The following DONSON variants were observed in gnomAD, a reference collection of about 807,000 sequenced individuals.
DONSON encodes the protein DNA replication fork stabilization factor DONSON.
A neutral mutation model predicts 62.1 loss-of-function variants in DONSON; 43 were observed. That is an observed-to-expected ratio of 0.69 (90% CI 0.54 to 0.89). The LOEUF is 0.89. Among genes scored for constraint, DONSON ranks in the 40% least tolerant of loss-of-function variants. The pLI is 0.00. For missense variants in DONSON, 696 were observed against 697.5 expected (o/e 1.00, Z 0.03); for synonymous variants, 266 against 264.6 (o/e 1.01, Z -0.05).
intron 5 of DONSON, among the ~76,000 whole-genome samples, chr21:33,582,565 T>A (rs2086525840): frequency 6.6e-6 from 1 of 151,886 alleles, no homozygotes; most frequent in Non-Finnish European, 1.5e-5. Flanking sequence ...TTTGAAAATT[T>A]TGTTATTAAA....
At position 33,587,574 on chromosome 21, in the gene DONSON, A is replaced by G. The variant is rs1382819147; in HGVS notation, c.350T>C (p.Leu117Ser). The change falls in exon 2 of 10, where the codon TTG (leucine) becomes TCG (serine). Residue 117 changes from leucine to serine, a missense_variant. Physicochemically the swap from Leu to Ser is moderately radical, Grantham distance 145. Coordinates refer to ENST00000303071, the MANE Select transcript of DONSON (RefSeq NM_017613.4). ...PFLDSNQEND[L>S]LWEEKFPERT... The stretch of plus-strand genomic sequence containing the variant: ...TTCAGGAAACTTCTCTTCCCATAGC[A>G]AATCATTTTCTTGATTAGAATCTAA... The G allele has an allele frequency of 6.3e-7, 1 of 1,597,206 alleles. No individual in the cohort carries two copies. The highest frequency in any genetic ancestry group is 1.1e-5 in the South Asian group (1 of 87,418).
rs2086460970 is a variant in DONSON at position 33,578,427 on chromosome 21, C to T, written c.1581G>A (p.Glu527=). The T allele has an allele frequency of 6.2e-7, 1 of 1,613,516 alleles. No homozygotes were observed. The highest frequency in any genetic ancestry group is 1.3e-5 in the African/African-American group (1 of 74,902). The change falls in exon 10 of 10, where the codon GAG becomes GAA. Residue 527 remains glutamate, a synonymous_variant. Coordinates refer to ENST00000303071, the MANE Select transcript of DONSON (RefSeq NM_017613.4). ...KVLDMEVVHK[E]LTNCGLHPNT... ...TAGGGTGCAAACCACAGTTAGTAAG[C>T]TCCTTATGAACAACCTCCTGTGGAA...
chr21:33,588,380 G>T lies in DONSON; in HGVS notation c.262C>A (p.Arg88=), dbSNP rs775407980. 49 of 1,291,670 alleles carry T rather than the reference G, an allele frequency of 3.8e-5. No individual in the cohort carries two copies. The highest frequency in any genetic ancestry group is 1.6e-4 in the South Asian group (6 of 37,958). The allele number at this position is 1,291,670 out of a possible 1,614,324, so 80.0% of individuals were successfully genotyped here. ...CCGTCGGGGGGCTCCGCGGCGACCC[G>T]CGGTCGGTTGTCCAGGCGGGCGAAG... ...NPFARLDNRP[R]VAAEPPDGPA... The change falls in exon 1 of 10, where the codon CGG becomes AGG. Residue 88 remains arginine (R), a synonymous_variant. Transcript: ENST00000303071.
Position 33,582,020 on chromosome 21 carries a change from CTT to C in DONSON, c.1080_1081del (p.Ser361PhefsTer12). The C allele has an allele frequency of 6.2e-7, 1 of 1,614,120 alleles. No individual in the cohort carries two copies. Among genetic ancestry groups the C allele is most frequent in the Non-Finnish European group, 8.5e-7 (1 of 1,179,994 alleles). ...ACCCATCTCTTCCAGCCAGGAAAAACTTTCCTCTTCATCCTCATCACTGATGG... is the reference window on the plus strand; with the variant it reads ...ACCCATCTCTTCCAGCCAGGAAAAACTCCTCTTCATCCTCATCACTGATGG... On this transcript the variant is annotated frameshift_variant, in exon 7 of 10. Transcript: ENST00000303071. LOFTEE classifies it high-confidence loss of function.
intron 1 of DONSON, among the ~76,000 whole-genome samples, chr21:33,587,952 T>C (rs550394349): frequency 7.9e-5 from 12 of 152,308 alleles, no homozygotes; most frequent in African/African-American, 2.6e-4. Flanking sequence ...AAGCAGGGCT[T>C]GTCACCTGCC....
rs936993580 is a variant in DONSON, at chr21:33,580,530, G to A, written c.1350+772C>T. On this transcript the variant is annotated intron_variant, in intron 8 of 9. Transcript: ENST00000303071. ...GCAGGGCATGGCAGTCCTGTGGTCCGATACTCGAGAGGCTGAGGCAGGAAT... is the reference window on the plus strand; with the variant it reads ...GCAGGGCATGGCAGTCCTGTGGTCCAATACTCGAGAGGCTGAGGCAGGAAT... Among the ~76,000 whole-genome samples, 8 of 128,334 alleles carry A rather than the reference G, an allele frequency of 6.2e-5. No individual in the cohort carries two copies. The South Asian group carries it at 8.1e-4, about 13-fold the overall frequency. 84.2% of individuals were successfully genotyped at this position (128,334 alleles called of 152,430 possible).
Position 33,587,616 on chromosome 21 carries a change from T to C in DONSON, c.322-14A>G. On this transcript the variant is annotated splice_polypyrimidine_tract_variant and intron_variant, in intron 1 of 9. Transcript: ENST00000303071. The stretch of plus-strand genomic sequence containing the variant: ...AGAATCTAAAAACTGAGGTTAAATA[T>C]ATTCTCCTTTAAAATTTAAAGGATG... The C allele has an allele frequency of 3.2e-6, 5 of 1,541,840 alleles. No individual in the cohort carries two copies. The highest frequency in any genetic ancestry group is 4.4e-6 in the Non-Finnish European group (5 of 1,135,280).
intron 3 of DONSON, 36 bp downstream of exon 3, chr21:33,585,942 T>C: frequency 6.2e-7 from 1 of 1,600,970 alleles, no homozygotes; most frequent in Non-Finnish European, 8.6e-7. Flanking sequence ...ACTTAATTTG[T>C]TACTTTAACA....
intron 2 of DONSON, among the ~76,000 whole-genome samples, chr21:33,587,125 G>A (rs1282745000): frequency 1.3e-5 from 2 of 152,124 alleles, no homozygotes; most frequent in African/African-American, 2.4e-5. Flanking sequence ...ATGGAAACGT[G>A]TGTGTGTTAG....
intron 5 of DONSON, among the ~76,000 whole-genome samples, chr21:33,582,903 A>G (rs933098384): frequency 1.2e-4 from 19 of 152,034 alleles, no homozygotes; most frequent in African/African-American, 4.3e-4. Context: ...TGCCCTCCTT[A>G]TAAGAATGAT....
intron 8 of DONSON, among the ~76,000 whole-genome samples, chr21:33,580,335 C>G (rs1308112633): frequency 1.4e-5 from 2 of 147,412 alleles, no homozygotes; most frequent in Non-Finnish European, 3.0e-5. Context: ...GAGGGCAGAT[C>G]ATGAGGTCAG....
At position 33,588,579 on chromosome 21, in the gene DONSON, G is replaced by A; in HGVS notation, c.63C>T (p.Leu21=). Residue 21 remains leucine (L), a synonymous_variant, in exon 1 of 10, where the codon CTC becomes CTT. Coordinates refer to ENST00000303071, the MANE Select transcript of DONSON (RefSeq NM_017613.4). ...CACGGCTCCGGGCCCTTTTCCGTCGGAGCCGCACTACCTCGGGCGGCTTTC... is the reference window on the plus strand; with the variant it reads ...CACGGCTCCGGGCCCTTTTCCGTCGAAGCCGCACTACCTCGGGCGGCTTTC... ...GFRKPPEVVR[L]RRKRARSRGA... 8.0e-7 allele frequency: 1 copy of A among 1,255,878 alleles called. No homozygotes were observed. Among genetic ancestry groups the A allele is most frequent in the South Asian group, 2.9e-5 (1 of 34,090 alleles). The allele number at this position is 1,255,878 out of a possible 1,614,324, so 77.8% of individuals were successfully genotyped here.
chr21:33,584,841 A>AATAG (rs2086560267), intron 3 of DONSON, 73 bp from the exon 4 acceptor site: 26 of 1,242,710 alleles, frequency 2.1e-5, no homozygotes. Context: ...GACAATCTTT[A>AATAG]CCAAACACTT....
chr21:33,583,580 A>G lies in DONSON; in HGVS notation c.872T>C (p.Leu291Pro). ...FYVCTYQFTV[L>P]FRAAGLAGSD... is the part of the protein sequence containing the mutation. ...TCCAGCTAATCCTGCTGCTCGGAAC[A>G]GGACAGTAAACTGATAGGTACAAAC... Residue 291 changes from leucine (L) to proline (P), a missense_variant, in exon 5 of 10, where the codon CTG (leucine) becomes CCG (proline). Leu to Pro is a moderately conservative substitution (Grantham distance 98). Coordinates refer to ENST00000303071, the MANE Select transcript of DONSON (RefSeq NM_017613.4). 1 of 1,614,126 alleles carries G rather than the reference A, an allele frequency of 6.2e-7. No individual in the cohort carries two copies. The highest frequency in any genetic ancestry group is 8.5e-7 in the Non-Finnish European group (1 of 1,180,002).
intron 4 of DONSON, among the ~76,000 whole-genome samples, chr21:33,584,012 G>GTT (rs1316901228): frequency 1.2e-5 from 1 of 80,794 alleles, no homozygotes; most frequent in Non-Finnish European, 2.4e-5. Flanking sequence ...AGGGCTGCGT[G>GTT]TTTATATATA....
rs2086439012 is a variant in DONSON at position 33,577,646 on chromosome 21, CA to C, written c.*660del. ...ACACACACACACACACACACACACA[CA>C]CACACACACACACACACACACACAC... On this transcript the variant is annotated 3_prime_UTR_variant, in exon 10 of 10. Coordinates refer to ENST00000303071, the MANE Select transcript of DONSON (RefSeq NM_017613.4). 1.0e-4 allele frequency: 8 copies of C among 77,058 alleles called. No individual in the cohort carries two copies. The highest frequency in any genetic ancestry group is 1.6e-4 in the African/African-American group (3 of 18,336). 4.8% of individuals were successfully genotyped at this position (77,058 alleles called of 1,614,324 possible). A position where few individuals can be genotyped will look rare whatever the true frequency, so the allele number is the denominator to read the frequency against.
rs2086514597 is a variant in DONSON, at chr21:33,581,863, T to G, written c.1151+88A>C. ...ATATGACCTGAAGATAATTTAAGAT[T>G]ATAATCATATAAAACTGCCAATGTT... On this transcript the variant is annotated intron_variant, in intron 7 of 9. Transcript: ENST00000303071. 11 of 1,161,162 alleles carry G rather than the reference T, an allele frequency of 9.5e-6. 1 individual carries two copies. The highest frequency in any genetic ancestry group is 1.1e-5 in the Non-Finnish European group (9 of 789,914). The allele number at this position is 1,161,162 out of a possible 1,614,324, so 71.9% of individuals were successfully genotyped here.
intron 8 of DONSON, among the ~76,000 whole-genome samples, chr21:33,579,920 T>C (rs953384807): frequency 6.6e-6 from 1 of 152,222 alleles, no homozygotes; most frequent in Non-Finnish European, 1.5e-5. Flanking sequence ...TATTTACATA[T>C]ATAATTTATT....
Position 33,584,784 on chromosome 21 carries a change from G to A in DONSON, c.607-16C>T. On this transcript the variant is annotated splice_polypyrimidine_tract_variant and intron_variant, in intron 3 of 9. Coordinates refer to ENST00000303071, the MANE Select transcript of DONSON (RefSeq NM_017613.4). ...GTTTGGGATCCTAAAATCCAAAGGT[G>A]ACAGTGGGCAGTTTTTGCCCATTGA... is the stretch of plus-strand genomic sequence containing the variant. 1 of 1,478,280 alleles carries A rather than the reference G, an allele frequency of 6.8e-7. No individual in the cohort carries two copies. Among genetic ancestry groups the A allele is most frequent in the Non-Finnish European group, 9.1e-7 (1 of 1,103,208 alleles). The allele number at this position is 1,478,280 out of a possible 1,614,324, so 91.6% of individuals were successfully genotyped here.
Sources: allele counts gnomAD v4.1 joint callset (sites outside exome capture counted in the v4.1 genomes callset), GRCh38; gene constraint gnomAD v4.1.1; transcripts MANE v1.5; gene names NCBI Gene and HGNC (gene_info 2026-07-23, HGNC 2026-07-21).